Variants in FRMD4A observed in about 807,000 individuals in gnomAD.
FRMD4A encodes the protein FERM domain containing 4A, also known as FERM domain-containing protein 4A.
Under a neutral mutation model 129.1 loss-of-function variants are expected in FRMD4A, and 29 were observed. That is an observed-to-expected ratio of 0.22 (90% CI 0.17 to 0.31). The LOEUF (loss-of-function observed/expected upper bound fraction) is 0.31, where lower values mean the gene tolerates loss of function less well. Among genes scored for constraint, FRMD4A ranks in the 10% least tolerant of loss-of-function variants. The pLI, the probability that FRMD4A is intolerant of heterozygous loss-of-function variation, is 1.00. For missense variants in FRMD4A, 1,272 were observed against 1,375.8 expected (o/e 0.92, Z 1.19); for synonymous variants, 634 against 571.6 (o/e 1.11, Z -1.56).
At chr10:14,184,593 C>G (rs1294830342) in intron 2 of FRMD4A, among the ~76,000 whole-genome samples, 1 of 152,016 alleles carries the variant, frequency 6.6e-6, no homozygotes, top group African/African-American at 2.4e-5. Flanking sequence ...GGCTGAAGTG[C>G]TTTATACAAG....
chr10:14,050,037 A>G (rs73593401), intron 2 of FRMD4A, among the ~76,000 whole-genome samples: 8,173 of 152,252 alleles, frequency 0.054, 385 homozygotes, highest in East Asian at 0.13. Flanking sequence ...AGGCTTTGGC[A>G]CCATCACTTA....
chr10:13,869,558 A>G (rs987531858), intron 2 of FRMD4A, among the ~76,000 whole-genome samples: 19 of 152,256 alleles, frequency 1.2e-4, no homozygotes, highest in Admixed American at 7.8e-4. Context: ...ACGCAATGGC[A>G]TGGGCCCCAG....
intron 2 of FRMD4A, among the ~76,000 whole-genome samples, chr10:14,218,726 C>T (rs1843151133): frequency 6.6e-6 from 1 of 151,962 alleles, no homozygotes; most frequent in African/African-American, 2.4e-5. Flanking sequence ...CAGAGCTAAA[C>T]CATATCATTC....
rs11377448 is a variant in FRMD4A at position 14,000,646 on chromosome 10, C to CAAAAAAAAAAAAAA, written c.46-141748_46-141735dup. On this transcript the variant is annotated intron_variant, in intron 2 of 24. Coordinates refer to ENST00000357447, the MANE Select transcript of FRMD4A (RefSeq NM_018027.5). The stretch of plus-strand genomic sequence containing the variant: ...TGGGTGACAGAGCAAGACGCCACCT[C>CAAAAAAAAAAAAAA]AAAAAAAAAAAAAAAAAAAAAAGAG... Among the ~76,000 whole-genome samples the CAAAAAAAAAAAAAA allele has an allele frequency of 4.3e-3, 187 of 43,446 alleles. 7 individuals carry two copies. The highest frequency in any genetic ancestry group is 0.015 in the African/African-American group (176 of 11,986). 28.5% of individuals were successfully genotyped at this position (43,446 alleles called of 152,430 possible).
At chr10:13,884,016 T>C (rs79787168) in intron 2 of FRMD4A, among the ~76,000 whole-genome samples, 2,273 of 152,150 alleles carry the variant, frequency 0.015, 24 homozygotes, top group Admixed American at 0.023. Flanking sequence ...ATGAACATTA[T>C]GCAAATTGAC....
At chr10:14,159,312 T>C (rs566297589) in intron 2 of FRMD4A, among the ~76,000 whole-genome samples, 1 of 152,218 alleles carries the variant, frequency 6.6e-6, no homozygotes, top group African/African-American at 2.4e-5. Context: ...ACAGCATTTC[T>C]ATATGCCAAT....
intron 2 of FRMD4A, among the ~76,000 whole-genome samples, chr10:14,295,981 T>C (rs1845995438): frequency 6.6e-6 from 1 of 152,168 alleles, no homozygotes; most frequent in South Asian, 2.1e-4. Flanking sequence ...CTAGGTGCTT[T>C]ATTAAGAATT....
At chr10:14,316,599 C>T (rs77891215) in intron 2 of FRMD4A, among the ~76,000 whole-genome samples, 4,462 of 151,270 alleles carry the variant, frequency 0.029, 189 homozygotes, top group African/African-American at 0.1. Context: ...GGAAAGTGAC[C>T]TGAGTTGGTC....
chr10:13,882,782 C>A (rs1047292362), intron 2 of FRMD4A, among the ~76,000 whole-genome samples: 2 of 149,182 alleles, frequency 1.3e-5, no homozygotes, highest in African/African-American at 2.5e-5. Flanking sequence ...AATACAAAAC[C>A]AAAAGCCACA....
At chr10:13,707,726 G>C (rs2087612172) in intron 12 of FRMD4A, 1 of 985,312 alleles carries the variant, frequency 1.0e-6, no homozygotes, top group South Asian at 4.7e-5. Flanking sequence ...CACAGTGTGA[G>C]CCTGTCAAGC....
chr10:14,105,703 T>C (rs1000170712), intron 2 of FRMD4A, among the ~76,000 whole-genome samples: 6 of 152,348 alleles, frequency 3.9e-5, no homozygotes, highest in East Asian at 1.9e-4. Context: ...GGTCCATAAA[T>C]AGTGATTGAC....
intron 2 of FRMD4A, among the ~76,000 whole-genome samples, chr10:14,217,999 T>A (rs1843127803): frequency 6.6e-6 from 1 of 152,064 alleles, no homozygotes; most frequent in Non-Finnish European, 1.5e-5. Flanking sequence ...CCTGGCTAGT[T>A]TTTGTATTTT....
At position 13,737,763 on chromosome 10, in the gene FRMD4A, T is replaced by A. The variant is rs966223871; in HGVS notation, c.759+81A>T. On this transcript the variant is annotated intron_variant, in intron 12 of 24. Coordinates refer to ENST00000357447, the MANE Select transcript of FRMD4A (RefSeq NM_018027.5). ...TGGTGAGCCTTTAGGCTGCATGGCG[T>A]TAGCATTTTTAAAGTGACTCCTACG... The A allele has an allele frequency of 5.1e-6, 4 of 778,626 alleles. No individual in the cohort carries two copies. In the African/African-American group the frequency reaches 6.9e-5, roughly 13 times the overall value. 48.2% of individuals were successfully genotyped at this position (778,626 alleles called of 1,614,324 possible). A position where few individuals can be genotyped will look rare whatever the true frequency, so the allele number is the denominator to read the frequency against.
chr10:13,834,037 G>T (rs548752511), intron 3 of FRMD4A, among the ~76,000 whole-genome samples: 2 of 152,138 alleles, frequency 1.3e-5, no homozygotes, highest in African/African-American at 2.4e-5. Context: ...GGGGAGGTGG[G>T]TGGATCACCT....
rs533348136 is a variant in FRMD4A, at chr10:14,126,448, C to G, written c.45+203610G>C. ...CCTCCTAAAGTTCTGGGATTACAGG[C>G]GTGAGCCACCGTGCCCGGCCTGCCT... is the stretch of plus-strand genomic sequence containing the variant. On this transcript the variant is annotated intron_variant, in intron 2 of 24. Coordinates refer to ENST00000357447, the MANE Select transcript of FRMD4A (RefSeq NM_018027.5). 7.9e-5 allele frequency among the ~76,000 whole-genome samples: 12 copies of G among 152,104 alleles called. No homozygotes were observed. The South Asian group carries it at 1.9e-3, about 24-fold the overall frequency.
intron 23 of FRMD4A, 179 bp downstream of exon 23, chr10:13,654,237 C>T (rs1418957540): frequency 1.1e-5 from 7 of 621,624 alleles, no homozygotes; most frequent in Non-Finnish European, 1.7e-5. Context: ...AAAGGCACAG[C>T]CAGGAAAAGG....
chr10:14,243,382 G>A (rs968730828), intron 2 of FRMD4A, among the ~76,000 whole-genome samples: 3 of 152,078 alleles, frequency 2.0e-5, no homozygotes, highest in Admixed American at 6.5e-5. Flanking sequence ...GCTCTTTCTC[G>A]CCTGCCACCA....
intron 2 of FRMD4A, among the ~76,000 whole-genome samples, chr10:14,253,693 G>A (rs1280995804): frequency 3.9e-5 from 6 of 152,194 alleles, no homozygotes; most frequent in Admixed American, 1.3e-4. Flanking sequence ...GCAGTGACAG[G>A]CAGAGGGAAT....
At chr10:13,732,180 C>G (rs7087448) in intron 12 of FRMD4A, among the ~76,000 whole-genome samples, 93,536 of 151,870 alleles carry the variant, frequency 0.62, 29,979 homozygotes, top group Non-Finnish European at 0.71. Flanking sequence ...AAGCTCCAGA[C>G]TGGTGATTAA....
Sources: gnomAD v4.1 joint callset for allele counts (sites outside exome capture counted in the v4.1 genomes callset) on GRCh38, gnomAD v4.1.1 for gene constraint, MANE v1.5 for transcripts, NCBI Gene and HGNC (gene_info 2026-07-23, HGNC 2026-07-21) for gene names.